The following PRP4K variants were observed in gnomAD, a reference collection of about 807,000 sequenced individuals.
PRP4K encodes the protein pre-mRNA processing factor kinase PRP4K, also known as serine/threonine-protein kinase PRP4 homolog.
At chr6:4,060,510 T>C in the PRP4K span, 1 of 1,613,878 alleles carries the variant, frequency 6.2e-7, no homozygotes, top group Non-Finnish European at 8.5e-7. This position sits in a 1 kb window ranked among gnomAD's most constrained non-coding sequence, Gnocchi z 4.7. Flanking sequence ...CGTAAGAAAG[T>C]ACACCAGCTA....
chr6:4,030,822 A>C, the PRP4K span, among the ~76,000 whole-genome samples: 4 of 152,196 alleles, frequency 2.6e-5, no homozygotes, highest in Non-Finnish European at 5.9e-5. Flanking sequence ...GTTCAGCCTA[A>C]TGTCGTATGA....
chr6:4,040,927 A>G, the PRP4K span: 1 of 1,611,892 alleles, frequency 6.2e-7, no homozygotes, highest in Non-Finnish European at 8.5e-7. Flanking sequence ...TCTGATGATA[A>G]GTAAGAATAG....
At chr6:4,051,911 A>G in the PRP4K span, 1 of 1,311,640 alleles carries the variant, frequency 7.6e-7, no homozygotes, top group African/African-American at 1.5e-5. Flanking sequence ...GTGCTCCTAA[A>G]TTCTGTATAT....
At chr6:4,028,241 A>C in the PRP4K span, among the ~76,000 whole-genome samples, 6 of 152,212 alleles carry the variant, frequency 3.9e-5, no homozygotes, top group South Asian at 4.2e-4. Context: ...CCCAGGCTGG[A>C]GTGCAGTGCA....
the PRP4K span, among the ~76,000 whole-genome samples, chr6:4,027,841 G>C: frequency 6.6e-6 from 1 of 152,118 alleles, no homozygotes; most frequent in African/African-American, 2.4e-5. Flanking sequence ...TTTGTCTTGA[G>C]GACAGTCTTG....
chr6:4,052,690 T>A, the PRP4K span: 1 of 1,484,766 alleles, frequency 6.7e-7, no homozygotes, highest in Non-Finnish European at 9.1e-7. Context: ...ACTCCTATTT[T>A]GTTTTCTTTT....
the PRP4K span, among the ~76,000 whole-genome samples, chr6:4,044,527 G>A: frequency 6.6e-6 from 1 of 152,082 alleles, no homozygotes; most frequent in African/African-American, 2.4e-5. Flanking sequence ...TGTTTTGTTA[G>A]GTGTTCATCA....
At chr6:4,044,149 A>G in the PRP4K span, 5 of 759,054 alleles carry the variant, frequency 6.6e-6, no homozygotes, top group East Asian at 5.4e-5. Flanking sequence ...TCTGCTGAAT[A>G]TTGCAGTAAT....
At chr6:4,033,677 G>A in the PRP4K span, among the ~76,000 whole-genome samples, 337 of 152,228 alleles carry the variant, frequency 2.2e-3, 2 homozygotes, top group African/African-American at 7.4e-3. Context: ...CGTTTACTGT[G>A]TTCATAATAA....
chr6:4,063,370 C>T, the PRP4K span: 1 of 152,024 alleles, frequency 6.6e-6, no homozygotes, highest in Non-Finnish European at 1.5e-5. Flanking sequence ...TGCTGAGATT[C>T]CACATAACAC....
the PRP4K span, among the ~76,000 whole-genome samples, chr6:4,025,086 A>G: frequency 3.3e-5 from 5 of 152,202 alleles, no homozygotes; most frequent in Admixed American, 2.0e-4. Context: ...ATGTTATCCA[A>G]TATTCAATAG....
chr6:4,031,646 C>CA, the PRP4K span: 19 of 1,599,832 alleles, frequency 1.2e-5, no homozygotes, highest in South Asian at 6.9e-5. Context: ...ACAGTCGTCA[C>CA]AAAAAAAAGA....
the PRP4K span, among the ~76,000 whole-genome samples, chr6:4,038,146 G>A: frequency 6.6e-6 from 1 of 152,000 alleles, no homozygotes; most frequent in Non-Finnish European, 1.5e-5. Context: ...ATTTTTAATT[G>A]AAGTAATAAA....
At chr6:4,036,549 C>G in the PRP4K span, among the ~76,000 whole-genome samples, 102,677 of 151,752 alleles carry the variant, frequency 0.68, 34,805 homozygotes, top group East Asian at 0.76. Flanking sequence ...GAGACAAGTT[C>G]TCACTCTGTC....
the PRP4K span, chr6:4,050,439 A>G: frequency 2.5e-6 from 1 of 399,144 alleles, no homozygotes; most frequent in Non-Finnish European, 4.4e-6. Context: ...TGTATGCACC[A>G]ATAACAACTT....
At chr6:4,022,530 G>C in the PRP4K span, among the ~76,000 whole-genome samples, 1 of 151,170 alleles carries the variant, frequency 6.6e-6, no homozygotes, top group Admixed American at 6.6e-5. Context: ...CTTAGAAAGA[G>C]GTATAGTCTC....
the PRP4K span, among the ~76,000 whole-genome samples, chr6:4,024,034 T>A: frequency 6.6e-6 from 1 of 152,052 alleles, no homozygotes; most frequent in African/African-American, 2.4e-5. Flanking sequence ...GCCCAGCTAA[T>A]TTTTGTATTT....
chr6:4,029,610 TC>T, the PRP4K span, among the ~76,000 whole-genome samples: 4 of 152,064 alleles, frequency 2.6e-5, no homozygotes, highest in African/African-American at 9.7e-5. Flanking sequence ...GCCTTGGCCT[TC>T]CATGGTGCTG....
At chr6:4,025,373 T>G in the PRP4K span, among the ~76,000 whole-genome samples, 32 of 152,356 alleles carry the variant, frequency 2.1e-4, no homozygotes, top group Non-Finnish European at 4.0e-4. Flanking sequence ...TGTAATACAT[T>G]ATGCCATTGA....
Sources: allele counts gnomAD v4.1 joint callset (sites outside exome capture counted in the v4.1 genomes callset), GRCh38; gene constraint gnomAD v4.1.1; non-coding constraint Gnocchi (gnomAD v3.1); transcripts MANE v1.5; gene names NCBI Gene and HGNC (gene_info 2026-07-23, HGNC 2026-07-21).